The following MAPK9 variants were observed in gnomAD, a reference collection of about 807,000 sequenced individuals.
The protein encoded by MAPK9 is Jun kinase.
In MAPK9, 30 loss-of-function variants were observed where a neutral mutation model predicts 57.1. The ratio of observed to expected loss-of-function variants is 0.53; its 90% CI spans 0.39 to 0.71. MAPK9 has a LOEUF of 0.71. MAPK9 is among the 30% of genes least tolerant of loss of function. The pLI is 0.00. For synonymous variants in MAPK9, 155 were observed against 177.0 expected, an observed-to-expected ratio of 0.88 and a Z score of 0.99; for missense variants, 362 against 521.0, an observed-to-expected ratio of 0.69 and a Z score of 2.97.
chr5:180,244,591 C>T lies in MAPK9; in HGVS notation c.689-1836G>A, dbSNP rs190381438. On this transcript the variant is annotated intron_variant, in intron 7 of 11. Coordinates refer to ENST00000452135, the MANE Select transcript of MAPK9 (RefSeq NM_002752.5). Reference sequence around the variant, plus strand: ...GTGTTCAAGACCAGCCTGGCCAAGACGGTGAAACCCTGGCCCTACTAAAAA... The same window carrying T: ...GTGTTCAAGACCAGCCTGGCCAAGATGGTGAAACCCTGGCCCTACTAAAAA... Among the ~76,000 whole-genome samples the T allele has an allele frequency of 3.2e-3, 481 of 151,938 alleles. 9 individuals are homozygous for T. The highest frequency in any genetic ancestry group is 0.014 in the Middle Eastern group (4 of 294).
chr5:180,233,660 A>G lies in MAPK9; in HGVS notation c.*2724T>C, dbSNP rs1488412171. The G allele has an allele frequency of 6.6e-6, 1 of 152,258 alleles. No homozygotes were observed. Among genetic ancestry groups the G allele is most frequent in the East Asian group, 1.9e-4 (1 of 5,204 alleles). The allele number at this position is 152,258 out of a possible 1,614,324, so 9.4% of individuals were successfully genotyped here. A position where few individuals can be genotyped will look rare whatever the true frequency, so the allele number is the denominator to read the frequency against. ...AAACACACATAATATATTTTATTAT[A>G]AAACATTAGCAATGTTACTTTTGAG... is the stretch of plus-strand genomic sequence containing the variant. On this transcript the variant is annotated 3_prime_UTR_variant, in exon 12 of 12. Transcript: ENST00000452135.
chr5:180,256,947 C>A (rs1414811330), intron 5 of MAPK9, among the ~76,000 whole-genome samples: 1 of 152,056 alleles, frequency 6.6e-6, no homozygotes, highest in Non-Finnish European at 1.5e-5. Flanking sequence ...TCAAGAGTAC[C>A]TTAAATTATA....
At position 180,234,674 on chromosome 5, in the gene MAPK9, C is replaced by T. The variant is rs1757062153; in HGVS notation, c.*1710G>A. On this transcript the variant is annotated 3_prime_UTR_variant, in exon 12 of 12. Transcript: ENST00000452135. ...CATTTTAAGATGTTTAGATAGATAG[C>T]CATAAAATAGGTGTTTCCGCCTCAA... 6.6e-6 allele frequency: 1 copy of T among 152,094 alleles called. No homozygotes were observed. The highest frequency in any genetic ancestry group is 1.5e-5 in the Non-Finnish European group (1 of 68,026). 9.4% of individuals were successfully genotyped at this position (152,094 alleles called of 1,614,324 possible). A position where few individuals can be genotyped will look rare whatever the true frequency, so the allele number is the denominator to read the frequency against.
Position 180,261,754 on chromosome 5 carries a change from C to G in MAPK9, c.380G>C (p.Arg127Thr). The change falls in exon 5 of 12, where the codon AGA becomes ACA. Residue 127 changes from arginine to threonine, a missense_variant. Physicochemically the swap from Arg to Thr is moderately conservative, Grantham distance 71. This residue lies in a region of MAPK9 where 127 missense variants were observed against 231.7 expected (regional missense o/e 0.55). Coordinates refer to ENST00000452135, the MANE Select transcript of MAPK9 (RefSeq NM_002752.5). ...QVIHMELDHE[R>T]MSYLLYQMLC... ...CATCTGGTAAAGAAGGTAGGACATTCTTTCATGATCCAGCTCCATGTGAAT... is the reference window on the plus strand; with the variant it reads ...CATCTGGTAAAGAAGGTAGGACATTGTTTCATGATCCAGCTCCATGTGAAT... 6.2e-7 allele frequency: 1 copy of G among 1,613,446 alleles called. No homozygotes were observed. Among genetic ancestry groups the G allele is most frequent in the Non-Finnish European group, 8.5e-7 (1 of 1,179,538 alleles).
chr5:180,281,712 A>G (rs2127623709), intron 1 of MAPK9, among the ~76,000 whole-genome samples: 1 of 152,354 alleles, frequency 6.6e-6, no homozygotes, highest in South Asian at 2.1e-4. Context: ...AAACATGGAA[A>G]AAATGGATTA....
intron 2 of MAPK9, chr5:180,279,896 A>G: frequency 4.4e-6 from 2 of 456,636 alleles, no homozygotes; most frequent in Admixed American, 2.3e-5. Context: ...GGCTGGACAC[A>G]CAGTTGAAGT....
chr5:180,256,700 G>C (rs1282387707), intron 5 of MAPK9, among the ~76,000 whole-genome samples: 1 of 152,068 alleles, frequency 6.6e-6, no homozygotes, highest in African/African-American at 2.4e-5. Flanking sequence ...CACTCCTTTG[G>C]GCCCCATCTG....
intron 5 of MAPK9, among the ~76,000 whole-genome samples, chr5:180,254,878 C>T (rs2127589748): frequency 6.6e-6 from 1 of 152,196 alleles, no homozygotes; most frequent in East Asian, 1.9e-4. Flanking sequence ...ACTAAAAATA[C>T]AAAAAATTAG....
intron 2 of MAPK9, among the ~76,000 whole-genome samples, chr5:180,273,391 T>C (rs1761530459): frequency 6.6e-6 from 1 of 152,330 alleles, no homozygotes; most frequent in East Asian, 1.9e-4. Flanking sequence ...TGATAATTTT[T>C]TTTTTTCTTA....
intron 1 of MAPK9, among the ~76,000 whole-genome samples, chr5:180,284,449 AAGG>A (rs1344450973): frequency 6.6e-6 from 1 of 152,228 alleles, no homozygotes; most frequent in African/African-American, 2.4e-5. Flanking sequence ...GGAACGCTAC[AAGG>A]AGGTTTCCTG....
chr5:180,286,209 G>A (rs1485260266), intron 1 of MAPK9, among the ~76,000 whole-genome samples: 1 of 126,866 alleles, frequency 7.9e-6, no homozygotes, highest in Non-Finnish European at 1.6e-5. Context: ...GCAGTGGCAT[G>A]ATCTCGGCTC....
chr5:180,255,032 T>A (rs568062493), intron 5 of MAPK9, among the ~76,000 whole-genome samples: 2 of 152,034 alleles, frequency 1.3e-5, no homozygotes, highest in East Asian at 3.9e-4. Context: ...AGACTCCATC[T>A]AAAAAAACAT....
intron 7 of MAPK9, among the ~76,000 whole-genome samples, chr5:180,243,055 C>T: frequency 6.6e-6 from 1 of 152,144 alleles, no homozygotes; most frequent in South Asian, 2.1e-4. Context: ...ATACCTATAG[C>T]AAAAATGATT....
rs374713517 is a variant in MAPK9, at chr5:180,233,353, G to A, written c.*3031C>T. 3.9e-5 allele frequency: 6 copies of A among 152,296 alleles called. No homozygotes were observed. Among genetic ancestry groups the A allele is most frequent in the African/African-American group, 1.4e-4 (6 of 41,554 alleles). 9.4% of individuals were successfully genotyped at this position (152,296 alleles called of 1,614,324 possible). A position where few individuals can be genotyped will look rare whatever the true frequency, so the allele number is the denominator to read the frequency against. On this transcript the variant is annotated 3_prime_UTR_variant, in exon 12 of 12. Transcript: ENST00000452135. Reference sequence around the variant, plus strand: ...CTCTGAATTGGACCTGCATATTGGTGAAGTCAAAACTTACTGCCATTAGTT... The same window carrying A: ...CTCTGAATTGGACCTGCATATTGGTAAAGTCAAAACTTACTGCCATTAGTT...
Position 180,233,711 on chromosome 5 carries a change from G to C in MAPK9, c.*2673C>G, listed in dbSNP as rs768507411. 3.9e-5 allele frequency: 6 copies of C among 152,356 alleles called. No homozygotes were observed. In the South Asian group the frequency reaches 1.0e-3, roughly 26 times the overall value. The allele number at this position is 152,356 out of a possible 1,614,324, so 9.4% of individuals were successfully genotyped here. A position where few individuals can be genotyped will look rare whatever the true frequency, so the allele number is the denominator to read the frequency against. On this transcript the variant is annotated 3_prime_UTR_variant, in exon 12 of 12. Transcript: ENST00000452135. ...ATATGCAATCTGAAAGGTCACACTT[G>C]TATTTATTACCAGGAGGAAATACCA...
chr5:180,271,122 A>AT (rs1230384661), intron 2 of MAPK9, among the ~76,000 whole-genome samples: 3 of 152,214 alleles, frequency 2.0e-5, no homozygotes, highest in African/African-American at 7.2e-5. Context: ...CTAGTCCATA[A>AT]TGTATACATA....
Position 180,264,847 on chromosome 5 carries a change from G to A in MAPK9, c.253-8C>T. The A allele has an allele frequency of 6.6e-7, 1 of 1,523,438 alleles. No homozygotes were observed. Among genetic ancestry groups the A allele is most frequent in the African/African-American group, 1.4e-5 (1 of 71,578 alleles). 94.4% of individuals were successfully genotyped at this position (1,523,438 alleles called of 1,614,324 possible). On this transcript the variant is annotated splice_polypyrimidine_tract_variant and splice_region_variant and intron_variant, in intron 3 of 11. Transcript: ENST00000452135. Reference sequence around the variant, plus strand: ...ATTTAACAAACTAATTATCTGAAAAGAGAAAATTAATTATACTTCAATATG... The same window carrying A: ...ATTTAACAAACTAATTATCTGAAAAAAGAAAATTAATTATACTTCAATATG...
intron 1 of MAPK9, among the ~76,000 whole-genome samples, chr5:180,289,907 G>C (rs1399596983): frequency 6.6e-6 from 1 of 152,218 alleles, no homozygotes; most frequent in East Asian, 1.9e-4. Context: ...CCAGGCTGGA[G>C]CACAGTGGTG....
intron 3 of MAPK9, among the ~76,000 whole-genome samples, chr5:180,267,743 T>C: frequency 6.6e-6 from 1 of 152,098 alleles, no homozygotes; most frequent in East Asian, 1.9e-4. Context: ...CGCACGCCTA[T>C]GGTCCCAGCT....
Sources: gnomAD v4.1 joint callset for allele counts (sites outside exome capture counted in the v4.1 genomes callset) on GRCh38, gnomAD v4.1.1 for gene constraint, gnomAD v4.1.1 regional missense constraint, MANE v1.5 for transcripts, NCBI Gene and HGNC (gene_info 2026-07-23, HGNC 2026-07-21) for gene names.